The following ERC2 variants were observed in gnomAD, a reference collection of about 807,000 sequenced individuals.
The protein encoded by ERC2 is ELKS/RAB6-interacting/CAST family member 2, also known as ERC protein 2.
Under a neutral mutation model 114.8 loss-of-function variants are expected in ERC2, and 42 were observed. That is an observed-to-expected ratio of 0.37 (90% CI 0.29 to 0.47). The LOEUF (loss-of-function observed/expected upper bound fraction) is 0.47, where lower values mean the gene tolerates loss of function less well. Among genes scored for constraint, ERC2 ranks in the 20% least tolerant of loss-of-function variants. The pLI, the probability that ERC2 is intolerant of heterozygous loss-of-function variation, is 0.99. For synonymous variants in ERC2, 454 were observed against 425.5 expected (o/e 1.07, Z -0.82); for missense variants, 939 against 1,150.7 (o/e 0.82, Z 2.66).
Position 56,414,493 on chromosome 3 carries a change from T to C in ERC2, c.657+19858A>G, listed in dbSNP as rs149579578. On this transcript the variant is annotated intron_variant, in intron 2 of 17. Coordinates refer to ENST00000288221, the MANE Select transcript of ERC2 (RefSeq NM_015576.3). ...ATCCCCGCACTTTGGGAGGCCGAGG[T>C]AGGTGGATCACGAGGTCAGGAGATC... 1.6e-3 allele frequency among the ~76,000 whole-genome samples: 240 copies of C among 152,178 alleles called. 6 individuals are homozygous for C. The East Asian group carries it at 0.036, about 23-fold the overall frequency.
intron 2 of ERC2, among the ~76,000 whole-genome samples, chr3:56,311,360 C>T (rs148710109): frequency 0.038 from 5,478 of 142,520 alleles, 188 homozygotes; most frequent in Non-Finnish European, 0.053. Context: ...AGTGCAGTGG[C>T]GCAATCTCGG....
chr3:55,983,635 C>T (rs2070339436), intron 12 of ERC2, among the ~76,000 whole-genome samples: 1 of 152,128 alleles, frequency 6.6e-6, no homozygotes, highest in Admixed American at 6.5e-5. Context: ...CCATGGAGTC[C>T]ACAGCACACA....
Position 55,526,208 on chromosome 3 carries a change from C to T in ERC2, c.*40-14932G>A, listed in dbSNP as rs141731204. 3.0e-3 allele frequency among the ~76,000 whole-genome samples: 450 copies of T among 152,212 alleles called. 1 individual carries two copies. The highest frequency in any genetic ancestry group is 9.9e-3 in the African/African-American group (413 of 41,536). ...AAGGAAGGGTCTCCCCTAGAGGCTT[C>T]GAAGAGGGAATGGCCCTGCCAGCAC... On this transcript the variant is annotated intron_variant, in intron 17 of 17. Transcript: ENST00000288221.
chr3:55,636,510 T>C (rs1053085855), intron 17 of ERC2, among the ~76,000 whole-genome samples: 3 of 152,184 alleles, frequency 2.0e-5, no homozygotes, highest in African/African-American at 7.2e-5. Context: ...TAGAGCACCT[T>C]AGATGATCAA....
chr3:55,596,477 G>A (rs2058142007), intron 17 of ERC2, among the ~76,000 whole-genome samples: 1 of 152,168 alleles, frequency 6.6e-6, no homozygotes, highest in Non-Finnish European at 1.5e-5. Flanking sequence ...AACTTGGGAG[G>A]CTGAGGTTAG....
At chr3:55,966,786 G>A (rs1263247838) in intron 12 of ERC2, among the ~76,000 whole-genome samples, 1 of 152,146 alleles carries the variant, frequency 6.6e-6, no homozygotes, top group Non-Finnish European at 1.5e-5. Context: ...TCACTGGGCA[G>A]CTGTAAGACT....
At chr3:56,369,983 A>T (rs2059302995) in intron 2 of ERC2, among the ~76,000 whole-genome samples, 2 of 152,092 alleles carry the variant, frequency 1.3e-5, no homozygotes, top group Non-Finnish European at 2.9e-5. Flanking sequence ...CCTGGATACT[A>T]CTTCTTTTAT....
chr3:55,593,355 G>A (rs1488773865), intron 17 of ERC2, among the ~76,000 whole-genome samples: 1 of 152,162 alleles, frequency 6.6e-6, no homozygotes, highest in Non-Finnish European at 1.5e-5. Context: ...GGATTCCAGG[G>A]TGCATAAGGG....
At chr3:55,797,070 A>C (rs2070571337) in intron 14 of ERC2, among the ~76,000 whole-genome samples, 1 of 152,208 alleles carries the variant, frequency 6.6e-6, no homozygotes, top group Non-Finnish European at 1.5e-5. Flanking sequence ...AAATATTTTA[A>C]GACTTTTCAG....
At chr3:56,332,161 C>T (rs1560608903) in intron 2 of ERC2, among the ~76,000 whole-genome samples, 1 of 151,982 alleles carries the variant, frequency 6.6e-6, no homozygotes, top group African/African-American at 2.4e-5. Context: ...TGCACACACA[C>T]ACACACAAGA....
intron 2 of ERC2, among the ~76,000 whole-genome samples, chr3:56,379,828 T>C (rs541116855): frequency 6.6e-5 from 10 of 151,972 alleles, no homozygotes; most frequent in Admixed American, 1.3e-4. Context: ...ACAGGAAAAA[T>C]AGAATTAAGA....
chr3:56,025,420 C>G (rs983200938), intron 7 of ERC2, among the ~76,000 whole-genome samples: 1 of 152,214 alleles, frequency 6.6e-6, no homozygotes, highest in African/African-American at 2.4e-5. Context: ...AAGTTCCCAT[C>G]TTGAATCTGG....
intron 2 of ERC2, among the ~76,000 whole-genome samples, chr3:56,356,335 G>T (rs2058742334): frequency 6.6e-6 from 1 of 152,168 alleles, no homozygotes; most frequent in Non-Finnish European, 1.5e-5. Context: ...ATACAGGTAT[G>T]TACGAGGGCC....
At position 56,337,776 on chromosome 3, in the gene ERC2, T is replaced by C. The variant is rs2057918215; in HGVS notation, c.658-41341A>G. On this transcript the variant is annotated intron_variant, in intron 2 of 17. Coordinates refer to ENST00000288221, the MANE Select transcript of ERC2 (RefSeq NM_015576.3). ...GTACTCAGCAGGCGTGCAAGCCACA[T>C]GCACCAAGAGACAAGAGCTGGAAAG... Among the ~76,000 whole-genome samples the C allele has an allele frequency of 1.3e-5, 2 of 152,188 alleles. 1 individual carries two copies. The highest frequency in any genetic ancestry group is 4.1e-4 in the South Asian group (2 of 4,828).
At chr3:55,666,835 C>T (rs2061373637) in intron 17 of ERC2, among the ~76,000 whole-genome samples, 1 of 152,160 alleles carries the variant, frequency 6.6e-6, no homozygotes, top group Admixed American at 6.5e-5. Context: ...CTCCATCACT[C>T]ACTAGTTCCG....
Position 55,693,678 on chromosome 3 carries a change from G to T in ERC2, c.2847+5700C>A, listed in dbSNP as rs893669206. On this transcript the variant is annotated intron_variant, in intron 16 of 17. Coordinates refer to ENST00000288221, the MANE Select transcript of ERC2 (RefSeq NM_015576.3). ...AAAGACAATGAAAGCTGGGGCAAATGGAAAGAGAATGGATGAGACTACATA... is the reference window on the plus strand; with the variant it reads ...AAAGACAATGAAAGCTGGGGCAAATTGAAAGAGAATGGATGAGACTACATA... Among the ~76,000 whole-genome samples, 8 of 151,966 alleles carry T rather than the reference G, an allele frequency of 5.3e-5. No individual in the cohort carries two copies. The East Asian group carries it at 1.5e-3, about 29-fold the overall frequency.
intron 17 of ERC2, among the ~76,000 whole-genome samples, chr3:55,605,696 C>T (rs2058613159): frequency 6.6e-6 from 1 of 152,124 alleles, no homozygotes; most frequent in Admixed American, 6.5e-5. Context: ...ACAATACTGC[C>T]TCAATCCAGA....
chr3:55,757,893 T>A (rs1029920821), intron 14 of ERC2, among the ~76,000 whole-genome samples: 2 of 152,088 alleles, frequency 1.3e-5, no homozygotes, highest in African/African-American at 4.8e-5. Flanking sequence ...TCAGATAATA[T>A]TCCTCTTGGA....
chr3:55,683,757 T>A (rs2062178613), intron 17 of ERC2, 37 bp downstream of exon 17: 5 of 1,560,940 alleles, frequency 3.2e-6, no homozygotes, highest in Non-Finnish European at 4.4e-6. Context: ...TAGAATGCAA[T>A]TTTTTAATAA....
Sources: gnomAD v4.1 joint callset for allele counts (sites outside exome capture counted in the v4.1 genomes callset) on GRCh38, gnomAD v4.1.1 for gene constraint, MANE v1.5 for transcripts, NCBI Gene and HGNC (gene_info 2026-07-23, HGNC 2026-07-21) for gene names.